The following RYR3 variants were observed in gnomAD, a reference collection of about 807,000 sequenced individuals.
The protein encoded by RYR3 is brain ryanodine receptor-calcium release channel.
Under a neutral mutation model 584.3 loss-of-function variants are expected in RYR3, and 207 were observed. That is an observed-to-expected ratio of 0.35 (90% CI 0.32 to 0.40). The LOEUF is 0.40. RYR3 is among the 10% of genes least tolerant of loss of function. The pLI is 1.00. For synonymous variants in RYR3, 2,416 were observed against 2,248.5 expected (o/e 1.07, Z -2.11); for missense variants, 5,616 against 6,089.2 (o/e 0.92, Z 2.59).
chr15:33,812,758 G>T, intron 72 of RYR3, 105 bp from the exon 73 acceptor site: 1 of 1,049,492 alleles, frequency 9.5e-7, no homozygotes. Flanking sequence ...AGTGATAATA[G>T]AAGGAGAGTC....
At chr15:33,474,320 GAGATTTCTTTT>G (rs1480855337) in intron 2 of RYR3, among the ~76,000 whole-genome samples, 2 of 152,192 alleles carry the variant, frequency 1.3e-5, no homozygotes, top group Non-Finnish European at 1.5e-5. Context: ...TAAGTGTATA[GAGATTTCTTTT>G]AAGAAATTAG....
chr15:33,722,998 T>A (rs765309603), intron 44 of RYR3, 103 bp downstream of exon 44: 15 of 1,058,208 alleles, frequency 1.4e-5, no homozygotes, highest in Non-Finnish European at 2.1e-5. Context: ...GCACATGTTC[T>A]TAACAGTTAC....
chr15:33,362,178 C>T (rs1262961180), intron 1 of RYR3, among the ~76,000 whole-genome samples: 1 of 152,178 alleles, frequency 6.6e-6, no homozygotes, highest in Non-Finnish European at 1.5e-5. Flanking sequence ...CTCTATAGTG[C>T]TTGTAAATAG....
chr15:33,499,869 T>C (rs576438284), intron 2 of RYR3, among the ~76,000 whole-genome samples: 1 of 152,266 alleles, frequency 6.6e-6, no homozygotes, highest in East Asian at 1.9e-4. Context: ...ACCTACAAGG[T>C]GTATCACTGA....
At chr15:33,831,898 G>C (rs2077701022) in intron 86 of RYR3, among the ~76,000 whole-genome samples, 1 of 152,052 alleles carries the variant, frequency 6.6e-6, no homozygotes, top group Non-Finnish European at 1.5e-5. Flanking sequence ...TGTACTCTGC[G>C]CTGTGGTTCA....
chr15:33,554,382 G>T (rs938400167), intron 10 of RYR3, among the ~76,000 whole-genome samples: 2 of 145,994 alleles, frequency 1.4e-5, no homozygotes, highest in East Asian at 4.2e-4. Context: ...TGCAAGCTCC[G>T]CCTCCCGGCT....
intron 45 of RYR3, among the ~76,000 whole-genome samples, chr15:33,725,413 A>G (rs1316298599): frequency 6.6e-6 from 1 of 152,066 alleles, no homozygotes; most frequent in East Asian, 1.9e-4. Flanking sequence ...TGACCCTATG[A>G]CATTCAGTTC....
intron 1 of RYR3, among the ~76,000 whole-genome samples, chr15:33,330,063 A>G (rs1395048673): frequency 6.6e-6 from 1 of 152,134 alleles, no homozygotes; most frequent in African/African-American, 2.4e-5. Flanking sequence ...TGGGCCAAGA[A>G]CAGTCATAAG....
intron 49 of RYR3, among the ~76,000 whole-genome samples, chr15:33,737,670 A>G (rs2069627654): frequency 6.6e-6 from 1 of 152,214 alleles, no homozygotes; most frequent in Non-Finnish European, 1.5e-5. Flanking sequence ...TCATCTCAAA[A>G]AAATACTTTA....
intron 1 of RYR3, among the ~76,000 whole-genome samples, chr15:33,430,121 G>C (rs927432586): frequency 6.6e-6 from 1 of 152,252 alleles, no homozygotes; most frequent in African/African-American, 2.4e-5. Context: ...ATAGATGACT[G>C]TTAGTGTTAT....
intron 2 of RYR3, among the ~76,000 whole-genome samples, chr15:33,473,998 C>T (rs1463145536): frequency 2.6e-5 from 4 of 152,176 alleles, no homozygotes; most frequent in Admixed American, 2.6e-4. Flanking sequence ...TAACTGTCTG[C>T]CCACTGTGAC....
rs375709637 is a variant in RYR3 at position 33,753,079 on chromosome 15, G to A, written c.8400-1986G>A. On this transcript the variant is annotated intron_variant, in intron 57 of 103. Transcript: ENST00000634891. Reference sequence around the variant, plus strand: ...GTGTGATGGATTATGTAGTACCCTAGATATTTTTCAAATTTCCTCCCTTAT... The same window carrying A: ...GTGTGATGGATTATGTAGTACCCTAAATATTTTTCAAATTTCCTCCCTTAT... Among the ~76,000 whole-genome samples, 7 of 152,184 alleles carry A rather than the reference G, an allele frequency of 4.6e-5. No individual in the cohort carries two copies. In the East Asian group the frequency reaches 1.4e-3, roughly 29 times the overall value.
intron 1 of RYR3, among the ~76,000 whole-genome samples, chr15:33,389,392 G>A (rs776713600): frequency 6.6e-6 from 1 of 152,146 alleles, no homozygotes; most frequent in Non-Finnish European, 1.5e-5. Context: ...ATGATCAGTA[G>A]AAAATTAAAA....
intron 1 of RYR3, among the ~76,000 whole-genome samples, chr15:33,468,348 G>A (rs1318990131): frequency 1.3e-5 from 2 of 152,132 alleles, no homozygotes; most frequent in African/African-American, 4.8e-5. Flanking sequence ...TGTTGTGAAG[G>A]CTAATTTAAT....
At chr15:33,326,785 T>C (rs938897736) in intron 1 of RYR3, among the ~76,000 whole-genome samples, 8 of 152,134 alleles carry the variant, frequency 5.3e-5, no homozygotes, top group Non-Finnish European at 8.8e-5. Context: ...CTTTAGGTAA[T>C]GGAGAACTAG....
chr15:33,785,141 A>C (rs559240183), intron 65 of RYR3, among the ~76,000 whole-genome samples: 5 of 152,298 alleles, frequency 3.3e-5, no homozygotes, highest in African/African-American at 9.6e-5. Flanking sequence ...TTCCAGCTGG[A>C]TGGAAAGTTG....
At chr15:33,853,019 C>A in intron 94 of RYR3, 26 bp from the exon 95 acceptor site, 2 of 1,594,190 alleles carry the variant, frequency 1.3e-6, no homozygotes, top group Non-Finnish European at 8.6e-7. Flanking sequence ...GAATGAAGAA[C>A]CAACCTTTTT....
At chr15:33,348,766 G>A (rs1972804088) in intron 1 of RYR3, among the ~76,000 whole-genome samples, 1 of 151,648 alleles carries the variant, frequency 6.6e-6, no homozygotes, top group South Asian at 2.1e-4. Flanking sequence ...GTGAGCCACT[G>A]CGCCTGGCCT....
Position 33,731,628 on chromosome 15 carries a change from C to A in RYR3, c.7358C>A (p.Ser2453Tyr), listed in dbSNP as rs773917251. 1.9e-6 allele frequency: 3 copies of A among 1,613,874 alleles called. No homozygotes were observed. The highest frequency in any genetic ancestry group is 2.2e-5 in the South Asian group (2 of 91,052). Residue 2453 changes from serine to tyrosine, a missense_variant, in exon 48 of 104, where the codon TCC (serine) becomes TAC (tyrosine). Coordinates refer to ENST00000634891, the MANE Select transcript of RYR3 (RefSeq NM_001036.6). ...ACACTGCAGACAATATACAGGCTAT[C>A]CAAGGGACGTTCCCTCACCAAAGCA... ...DSTLQTIYRL[S>Y]KGRSLTKAQR...
Sources: gnomAD v4.1 joint callset for allele counts (sites outside exome capture counted in the v4.1 genomes callset) on GRCh38, gnomAD v4.1.1 for gene constraint, MANE v1.5 for transcripts, NCBI Gene and HGNC (gene_info 2026-07-23, HGNC 2026-07-21) for gene names.